LRP1B: variants seen among roughly 807,000 people sequenced by gnomAD.
LRP1B encodes low-density lipoprotein receptor-related protein 1B.
LRP1B carries 217 observed loss-of-function variants against 556.6 expected under a neutral mutation model. That is an observed-to-expected ratio of 0.39 (90% CI 0.35 to 0.44). The LOEUF (loss-of-function observed/expected upper bound fraction) is 0.44. LRP1B is among the 20% of genes least tolerant of loss of function. The pLI is 1.00. For synonymous variants in LRP1B, 2,047 were observed against 1,865.8 expected (o/e 1.10, Z -2.50); for missense variants, 5,053 against 5,620.8 (o/e 0.90, Z 3.23).
chr2:140,922,883 G>T, intron 21 of LRP1B, 82 bp downstream of exon 21: 1 of 1,186,144 alleles, frequency 8.4e-7, no homozygotes. Flanking sequence ...TTTTTACAAA[G>T]GTGAGATACA....
chr2:140,577,708 C>T (rs905783932), intron 43 of LRP1B, among the ~76,000 whole-genome samples: 2 of 152,040 alleles, frequency 1.3e-5, no homozygotes, highest in Non-Finnish European at 2.9e-5. Context: ...TGGACATGAG[C>T]CACCAAACCT....
At chr2:140,301,795 C>A (rs1683836094) in intron 83 of LRP1B, among the ~76,000 whole-genome samples, 2 of 151,082 alleles carry the variant, frequency 1.3e-5, no homozygotes, top group Non-Finnish European at 3.0e-5. Flanking sequence ...ATATTCTGTA[C>A]TTTACATATA....
At chr2:140,341,199 C>T (rs1373874579) in intron 77 of LRP1B, among the ~76,000 whole-genome samples, 1 of 151,726 alleles carries the variant, frequency 6.6e-6, no homozygotes, top group Non-Finnish European at 1.5e-5. Context: ...ATTATGAATA[C>T]GTGTGTGTGC....
chr2:141,199,144 A>T (rs1681887211), intron 6 of LRP1B, among the ~76,000 whole-genome samples: 1 of 152,168 alleles, frequency 6.6e-6, no homozygotes, highest in South Asian at 2.1e-4. Flanking sequence ...AGTAGATTGC[A>T]GTGAAGAAAA....
At chr2:142,045,069 T>C (rs959271280) in intron 1 of LRP1B, among the ~76,000 whole-genome samples, 2 of 151,658 alleles carry the variant, frequency 1.3e-5, no homozygotes, top group African/African-American at 2.4e-5. Context: ...GACTATGCAT[T>C]TTAATTTTCA....
chr2:140,791,801 C>T (rs187002022), intron 32 of LRP1B, among the ~76,000 whole-genome samples: 1 of 115,002 alleles, frequency 8.7e-6, no homozygotes, highest in East Asian at 3.0e-4. Context: ...ATGAACATAG[C>T]CATTGAAGGG....
intron 7 of LRP1B, among the ~76,000 whole-genome samples, chr2:141,083,617 AAG>A (rs1351875830): frequency 6.6e-6 from 1 of 152,192 alleles, no homozygotes; most frequent in African/African-American, 2.4e-5. Flanking sequence ...ATTGGGTCAT[AAG>A]AGCTCTGCTT....
intron 77 of LRP1B, among the ~76,000 whole-genome samples, chr2:140,337,249 T>C (rs532828481): frequency 8.4e-4 from 127 of 152,002 alleles, no homozygotes; most frequent in African/African-American, 3.0e-3. Flanking sequence ...CTTTGACCTA[T>C]TGGACTTTAA....
chr2:140,406,249 A>C (rs752892431), intron 66 of LRP1B, among the ~76,000 whole-genome samples: 1 of 152,162 alleles, frequency 6.6e-6, no homozygotes, highest in Non-Finnish European at 1.5e-5. Flanking sequence ...TGAATGGGGA[A>C]AAGTTGAAAG....
chr2:141,379,389 C>T (rs922703816), intron 3 of LRP1B, among the ~76,000 whole-genome samples: 1 of 152,054 alleles, frequency 6.6e-6, no homozygotes, highest in Non-Finnish European at 1.5e-5. Context: ...GAGAGTGATG[C>T]CAATCATGTG....
At chr2:141,551,270 C>A (rs554219167) in intron 2 of LRP1B, among the ~76,000 whole-genome samples, 3 of 151,106 alleles carry the variant, frequency 2.0e-5, no homozygotes, top group Admixed American at 1.3e-4. Context: ...ATTAATAGAA[C>A]TTTTTAGTTT....
intron 6 of LRP1B, among the ~76,000 whole-genome samples, chr2:141,215,430 A>G (rs300380): frequency 0.11 from 16,710 of 152,262 alleles, 1,060 homozygotes; most frequent in South Asian, 0.2. Context: ...CTATAAAGAT[A>G]CCAGAAAATG....
chr2:141,162,090 C>A (rs1361713123), intron 7 of LRP1B, among the ~76,000 whole-genome samples: 1 of 152,004 alleles, frequency 6.6e-6, no homozygotes, highest in Non-Finnish European at 1.5e-5. Flanking sequence ...TATGTCTCTC[C>A]CTTATAACAG....
intron 37 of LRP1B, among the ~76,000 whole-genome samples, chr2:140,703,652 A>G (rs2105433879): frequency 6.6e-6 from 1 of 152,270 alleles, no homozygotes; most frequent in African/African-American, 2.4e-5. Context: ...TAGTCAACAT[A>G]GTACCTAATG....
In LRP1B at chr2:140,531,493, G is replaced by A. The variant is rs144895077; in HGVS notation, c.7762+2528C>T. On this transcript the variant is annotated intron_variant, in intron 47 of 90. Transcript: ENST00000389484. ...GTGTCAACCTTAGATGATAATCTAT[G>A]CAAGTGTTTCCCCAAAGTCACACTG... is the stretch of plus-strand genomic sequence containing the variant. 6.6e-4 allele frequency among the ~76,000 whole-genome samples: 100 copies of A among 152,218 alleles called. 2 individuals carry two copies. The Middle Eastern group carries it at 0.017, about 26-fold the overall frequency.
intron 1 of LRP1B, among the ~76,000 whole-genome samples, chr2:141,948,898 A>G (rs919267718): frequency 6.6e-6 from 1 of 152,170 alleles, no homozygotes. Context: ...CAAAAAATTT[A>G]AAAGATTCAA....
At chr2:141,910,741 T>A (rs1699888179) in intron 1 of LRP1B, among the ~76,000 whole-genome samples, 1 of 152,120 alleles carries the variant, frequency 6.6e-6, no homozygotes, top group Non-Finnish European at 1.5e-5. Context: ...ACGATTTTAA[T>A]CATAAATACA....
intron 41 of LRP1B, among the ~76,000 whole-genome samples, chr2:140,653,337 A>T (rs1166135128): frequency 1.3e-5 from 2 of 152,124 alleles, no homozygotes; most frequent in Non-Finnish European, 2.9e-5. Flanking sequence ...GACTGAGAGG[A>T]GATATACATA....
intron 2 of LRP1B, among the ~76,000 whole-genome samples, chr2:141,641,241 T>A (rs545052099): frequency 6.6e-6 from 1 of 152,136 alleles, no homozygotes; most frequent in African/African-American, 2.4e-5. Flanking sequence ...CCAGCAATGA[T>A]AATTGCATCA....
Sources: gnomAD v4.1 joint callset for allele counts (sites outside exome capture counted in the v4.1 genomes callset) on GRCh38, gnomAD v4.1.1 for gene constraint, MANE v1.5 for transcripts, NCBI Gene and HGNC (gene_info 2026-07-23, HGNC 2026-07-21) for gene names.